The following SECISBP2L variants were observed in gnomAD, a reference collection of about 807,000 sequenced individuals.
SECISBP2L encodes selenocysteine insertion sequence-binding protein 2-like.
A neutral mutation model predicts 114.7 loss-of-function variants in SECISBP2L; 43 were observed. That is an observed-to-expected ratio of 0.38 (90% CI 0.29 to 0.48). SECISBP2L has a LOEUF of 0.48. Among genes scored for constraint, SECISBP2L ranks in the 20% least tolerant of loss-of-function variants. SECISBP2L has a pLI of 0.98. For missense variants in SECISBP2L, 1,136 were observed against 1,301.1 expected (o/e 0.87, Z 1.95); for synonymous variants, 451 against 439.7 (o/e 1.03, Z -0.32).
At chr15:49,025,062 T>A (rs896963024) in intron 7 of SECISBP2L, among the ~76,000 whole-genome samples, 1 of 152,180 alleles carries the variant, frequency 6.6e-6, no homozygotes, top group East Asian at 1.9e-4. Flanking sequence ...GCAATTACAG[T>A]CTCAACAGAA....
chr15:49,001,545 A>G (rs1902210381), intron 14 of SECISBP2L: 1 of 156,298 alleles, frequency 6.4e-6, no homozygotes, highest in African/African-American at 2.5e-5. Context: ...TACACGTGTC[A>G]TGGTGGTTTG....
Position 48,992,097 on chromosome 15 carries a change from T to C in SECISBP2L, c.*147A>G, listed in dbSNP as rs1566849510. The C allele has an allele frequency of 2.8e-6, 2 of 710,182 alleles. No individual in the cohort carries two copies. Among genetic ancestry groups the C allele is most frequent in the East Asian group, 5.5e-5 (2 of 36,568 alleles). The allele number at this position is 710,182 out of a possible 1,614,324, so 44.0% of individuals were successfully genotyped here. On this transcript the variant is annotated 3_prime_UTR_variant, in exon 18 of 18. Coordinates refer to ENST00000559471, the MANE Select transcript of SECISBP2L (RefSeq NM_001193489.2). ...TACTAATTAAAAGCTAAGCTACAGATCATAACAAGTAAAAGCTACAAAAAT... is the reference window on the plus strand; with the variant it reads ...TACTAATTAAAAGCTAAGCTACAGACCATAACAAGTAAAAGCTACAAAAAT...
intron 14 of SECISBP2L, among the ~76,000 whole-genome samples, chr15:49,003,966 G>A (rs1902262871): frequency 6.6e-6 from 1 of 152,172 alleles, no homozygotes; most frequent in Non-Finnish European, 1.5e-5. Context: ...AATGAGTTAG[G>A]TAGGAGTCCC....
At chr15:49,039,142 C>T (rs1050722774) in intron 1 of SECISBP2L, among the ~76,000 whole-genome samples, 1 of 152,164 alleles carries the variant, frequency 6.6e-6, no homozygotes, top group East Asian at 1.9e-4. Context: ...TCCTTCCTCC[C>T]TACCTGATTT....
chr15:49,037,559 C>T lies in SECISBP2L; in HGVS notation c.203+32G>A. Reference sequence around the variant, plus strand: ...CTTTGCCAGCTTTTATAGCCACCCCCACAAAAAAGAAAATAAAAATAAACA... The same window carrying T: ...CTTTGCCAGCTTTTATAGCCACCCCTACAAAAAAGAAAATAAAAATAAACA... On this transcript the variant is annotated intron_variant, in intron 2 of 17. Coordinates refer to ENST00000559471, the MANE Select transcript of SECISBP2L (RefSeq NM_001193489.2). 3 of 1,594,756 alleles carry T rather than the reference C, an allele frequency of 1.9e-6. No individual in the cohort carries two copies. The African/African-American group carries it at 4.1e-5, about 22-fold the overall frequency.
chr15:49,003,667 G>A (rs1173130878), intron 14 of SECISBP2L, among the ~76,000 whole-genome samples: 6 of 152,074 alleles, frequency 3.9e-5, no homozygotes, highest in Non-Finnish European at 5.9e-5. Flanking sequence ...GAATTTTATC[G>A]AGGGCCTCTT....
chr15:48,997,617 G>A (rs1317994872), intron 16 of SECISBP2L, among the ~76,000 whole-genome samples: 2 of 152,188 alleles, frequency 1.3e-5, no homozygotes, highest in Non-Finnish European at 2.9e-5. Flanking sequence ...AGTGGCTCAT[G>A]CCTGTAATCC....
At chr15:49,039,685 T>A (rs1451272994) in intron 1 of SECISBP2L, among the ~76,000 whole-genome samples, 1 of 150,992 alleles carries the variant, frequency 6.6e-6, no homozygotes, top group African/African-American at 2.4e-5. Flanking sequence ...CAGGTGCACA[T>A]CACCATACCC....
chr15:49,042,075 T>C (rs1181631781), intron 1 of SECISBP2L, among the ~76,000 whole-genome samples: 2 of 151,872 alleles, frequency 1.3e-5, no homozygotes, highest in Admixed American at 6.5e-5. Context: ...AAATCTAATG[T>C]TTTTTAAATC....
chr15:49,019,620 A>G lies in SECISBP2L; in HGVS notation c.1036-68T>C. On this transcript the variant is annotated intron_variant, in intron 7 of 17. Transcript: ENST00000559471. ...AATAAATGTTTCACTCAAATATATAACATACTGGCAGAAAAGTACACGCAA... is the reference window on the plus strand; with the variant it reads ...AATAAATGTTTCACTCAAATATATAGCATACTGGCAGAAAAGTACACGCAA... The G allele has an allele frequency of 2.4e-6, 3 of 1,245,744 alleles. No individual in the cohort carries two copies. The South Asian group carries it at 7.7e-5, about 32-fold the overall frequency. 77.2% of individuals were successfully genotyped at this position (1,245,744 alleles called of 1,614,324 possible). A position where few individuals can be genotyped will look rare whatever the true frequency, so the allele number is the denominator to read the frequency against.
At chr15:49,021,490 T>A (rs538146092) in intron 7 of SECISBP2L, among the ~76,000 whole-genome samples, 1 of 152,142 alleles carries the variant, frequency 6.6e-6, no homozygotes, top group Non-Finnish European at 1.5e-5. Flanking sequence ...TTAAAATATA[T>A]GAAAAGTATA....
rs368929996 is a variant in SECISBP2L at position 48,990,787 on chromosome 15, G to C, written c.*1457C>G. The C allele has an allele frequency of 6.9e-6, 1 of 145,012 alleles. No individual in the cohort carries two copies. Among genetic ancestry groups the C allele is most frequent in the Non-Finnish European group, 1.5e-5 (1 of 66,912 alleles). The allele number at this position is 145,012 out of a possible 1,614,324, so 9.0% of individuals were successfully genotyped here. Reference sequence around the variant, plus strand: ...AATACCCCTTCCTTCTCAGTTTTGTGCCTGCTTATGGAAGCTTGTAAGTGG... The same window carrying C: ...AATACCCCTTCCTTCTCAGTTTTGTCCCTGCTTATGGAAGCTTGTAAGTGG... On this transcript the variant is annotated 3_prime_UTR_variant, in exon 18 of 18. Transcript: ENST00000559471.
At chr15:48,995,244 G>A (rs1380671761) in intron 17 of SECISBP2L, among the ~76,000 whole-genome samples, 1 of 152,112 alleles carries the variant, frequency 6.6e-6, no homozygotes, top group Non-Finnish European at 1.5e-5. Flanking sequence ...AGAGAGGATC[G>A]TGCTCATTTA....
chr15:49,037,185 G>A (rs1219863086), intron 2 of SECISBP2L, among the ~76,000 whole-genome samples: 3 of 133,896 alleles, frequency 2.2e-5, no homozygotes, highest in African/African-American at 8.5e-5. Context: ...TGCTAACCAT[G>A]ACAGCTTCAA....
At chr15:49,036,744 T>C (rs1265735899) in intron 2 of SECISBP2L, among the ~76,000 whole-genome samples, 2 of 152,182 alleles carry the variant, frequency 1.3e-5, no homozygotes, top group Non-Finnish European at 2.9e-5. Context: ...AATATTTGAG[T>C]AGTTGAATGG....
chr15:49,018,101 A>G (rs758213885), intron 8 of SECISBP2L, among the ~76,000 whole-genome samples: 4 of 152,152 alleles, frequency 2.6e-5, no homozygotes, highest in Non-Finnish European at 5.9e-5. Context: ...ATTATATCTA[A>G]TGTCTTTAAA....
chr15:48,994,538 T>TCATGCTCAGTCATG (rs1902049005), intron 17 of SECISBP2L, among the ~76,000 whole-genome samples: 1 of 152,174 alleles, frequency 6.6e-6, no homozygotes, highest in Admixed American at 6.5e-5. Flanking sequence ...CCATGCTCAG[T>TCATGCTCAGTCATG]GTCATCTAAA....
intron 12 of SECISBP2L, 75 bp downstream of exon 12, chr15:49,012,573 C>A (rs183930175): frequency 1.3e-6 from 2 of 1,498,410 alleles, no homozygotes; most frequent in South Asian, 2.4e-5. Context: ...TAAGACACCA[C>A]AACCTACTTT....
In SECISBP2L at chr15:48,992,471, TTCTCTGGG is replaced by T; in HGVS notation, c.3071_3078del (p.Thr1024AsnfsTer12). 6.2e-7 allele frequency: 1 copy of T among 1,614,232 alleles called. No homozygotes were observed. Among genetic ancestry groups the T allele is most frequent in the Non-Finnish European group, 8.5e-7 (1 of 1,180,040 alleles). On this transcript the variant is annotated frameshift_variant, in exon 18 of 18. Coordinates refer to ENST00000559471, the MANE Select transcript of SECISBP2L (RefSeq NM_001193489.2). LOFTEE classifies it low-confidence loss of function (END_TRUNC). ...TTTCCAAGCTGAAGGGTTTCCATAG[TTCTCTGGG>T]TCTCTGAGACCCAAGACTCAATTCT...
Sources: gnomAD v4.1 joint callset for allele counts (sites outside exome capture counted in the v4.1 genomes callset) on GRCh38, gnomAD v4.1.1 for gene constraint, MANE v1.5 for transcripts, NCBI Gene and HGNC (gene_info 2026-07-23, HGNC 2026-07-21) for gene names.